Variants in SHANK2 observed in about 807,000 individuals in gnomAD.
SHANK2 encodes the protein SH3 and multiple ankyrin repeat domains 2.
In SHANK2, 43 loss-of-function variants were observed where a neutral mutation model predicts 133.7. That is an observed-to-expected ratio of 0.32 (90% CI 0.25 to 0.41). The LOEUF (loss-of-function observed/expected upper bound fraction) is 0.41, where lower values mean the gene tolerates loss of function less well. Among genes scored for constraint, SHANK2 ranks in the 10% least tolerant of loss-of-function variants. The pLI is 1.00. For synonymous variants in SHANK2, 1,017 were observed against 952.8 expected (o/e 1.07, Z -1.24); for missense variants, 1,994 against 2,235.8 (o/e 0.89, Z 2.18).
rs150961099 is a variant in SHANK2, at chr11:71,204,410, G to A, written c.-13+20287C>T. 5.8e-3 allele frequency among the ~76,000 whole-genome samples: 878 copies of A among 152,210 alleles called. 8 individuals carry two copies. Among genetic ancestry groups the A allele is most frequent in the East Asian group, 0.028 (146 of 5,146 alleles). On this transcript the variant is annotated intron_variant, in intron 2 of 25. Coordinates refer to ENST00000601538, the MANE Select transcript of SHANK2 (RefSeq NM_012309.5). ...AGGACCCAGCGCACCTCCCATCTGCGCTGCCTCTGTAAAGTGAGCCTGTGC... is the reference window on the plus strand; with the variant it reads ...AGGACCCAGCGCACCTCCCATCTGCACTGCCTCTGTAAAGTGAGCCTGTGC...
chr11:70,910,897 TGC>T (rs202059428), intron 10 of SHANK2: 443 of 422,268 alleles, frequency 1.0e-3, no homozygotes, highest in Middle Eastern at 5.4e-3. Flanking sequence ...TGCTTGGTGG[TGC>T]GTGTGTGTGT....
At chr11:70,620,995 ATC>A (rs1270706278) in intron 17 of SHANK2, among the ~76,000 whole-genome samples, 5 of 152,254 alleles carry the variant, frequency 3.3e-5, no homozygotes, top group African/African-American at 1.2e-4. Context: ...ATGACGTAAT[ATC>A]TGTGTGACCA....
At position 70,804,912 on chromosome 11, in the gene SHANK2, G is replaced by T. The variant is rs529072407; in HGVS notation, c.1663+2090C>A. Among the ~76,000 whole-genome samples the T allele has an allele frequency of 7.9e-5, 12 of 152,278 alleles. No individual in the cohort carries two copies. Among genetic ancestry groups the T allele is most frequent in the African/African-American group, 2.9e-4 (12 of 41,564 alleles). Reference sequence around the variant, plus strand: ...CTGCTCATCCATGCTGCTACTCAGGGTCCCCTCTAAGGGACTCTCAGCTGT... The same window carrying T: ...CTGCTCATCCATGCTGCTACTCAGGTTCCCCTCTAAGGGACTCTCAGCTGT... On this transcript the variant is annotated intron_variant, in intron 13 of 25. Transcript: ENST00000601538. The surrounding 1 kb of genome is among the most constrained non-coding windows in gnomAD (Gnocchi z 4.1).
intron 25 of SHANK2, among the ~76,000 whole-genome samples, chr11:70,476,221 T>G (rs1319385889): frequency 3.3e-5 from 5 of 151,998 alleles, no homozygotes; most frequent in Non-Finnish European, 7.4e-5. Context: ...GAGCTAGACT[T>G]CTTCTCAAAA....
chr11:70,785,017 A>G (rs1415623460), intron 14 of SHANK2, among the ~76,000 whole-genome samples: 8 of 152,216 alleles, frequency 5.3e-5, no homozygotes, highest in African/African-American at 1.9e-4. Flanking sequence ...GCTTCCCAGG[A>G]GGGCCATCTG....
chr11:70,539,229 C>A (rs374789312), intron 17 of SHANK2, among the ~76,000 whole-genome samples: 8 of 152,228 alleles, frequency 5.3e-5, no homozygotes, highest in African/African-American at 1.9e-4. Flanking sequence ...CACCGAATGC[C>A]AGTGCCACAG....
chr11:70,591,738 C>T (rs917363274), intron 17 of SHANK2, among the ~76,000 whole-genome samples: 3 of 152,038 alleles, frequency 2.0e-5, no homozygotes, highest in Non-Finnish European at 4.4e-5. Context: ...AGATGTGGGC[C>T]GGGCGCGGTG....
chr11:71,228,563 G>C (rs1954683297), intron 1 of SHANK2, among the ~76,000 whole-genome samples: 3 of 152,146 alleles, frequency 2.0e-5, no homozygotes, highest in African/African-American at 2.4e-5. Context: ...TTCAAGGCCA[G>C]CCTGGCCAAC....
rs1415507074 is a variant in SHANK2, at chr11:70,852,305, G to A, written c.1175-31623C>T. Among the ~76,000 whole-genome samples the A allele has an allele frequency of 2.6e-5, 4 of 152,354 alleles. No homozygotes were observed. In the East Asian group the frequency reaches 7.7e-4, roughly 29 times the overall value. ...AAAGAATATTGGGAGAGCGAGGAACGTAAACCCCAGTCAACTTCAAGGCCA... is the reference window on the plus strand; with the variant it reads ...AAAGAATATTGGGAGAGCGAGGAACATAAACCCCAGTCAACTTCAAGGCCA... On this transcript the variant is annotated intron_variant, in intron 11 of 25. Coordinates refer to ENST00000601538, the MANE Select transcript of SHANK2 (RefSeq NM_012309.5).
intron 8 of SHANK2, among the ~76,000 whole-genome samples, chr11:71,091,816 T>C (rs1951523894): frequency 6.6e-6 from 1 of 152,174 alleles, no homozygotes. Flanking sequence ...TCACAGGTGC[T>C]GATGGCTCCC....
intron 11 of SHANK2, among the ~76,000 whole-genome samples, chr11:70,883,564 A>C (rs1030999406): frequency 5.3e-5 from 8 of 152,052 alleles, no homozygotes; most frequent in African/African-American, 1.9e-4. Flanking sequence ...CAAGAGAACA[A>C]AGGGGGCTGG....
Position 70,807,765 on chromosome 11 carries a change from G to C in SHANK2, c.1494-594C>G, listed in dbSNP as rs969450311. 6.6e-6 allele frequency among the ~76,000 whole-genome samples: 1 copy of C among 152,156 alleles called. No individual in the cohort carries two copies. The highest frequency in any genetic ancestry group is 2.4e-5 in the African/African-American group (1 of 41,426). On this transcript the variant is annotated intron_variant, in intron 12 of 25. Coordinates refer to ENST00000601538, the MANE Select transcript of SHANK2 (RefSeq NM_012309.5). This position sits in a 1 kb window ranked among gnomAD's most constrained non-coding sequence, Gnocchi z 4.8. Reference sequence around the variant, plus strand: ...GAATTGCTTAAACCTGGGAGGCGGAGGTTGCGGTGAGCCAAGACTGCACCA... The same window carrying C: ...GAATTGCTTAAACCTGGGAGGCGGACGTTGCGGTGAGCCAAGACTGCACCA...
chr11:71,132,209 A>T (rs1326508946), intron 3 of SHANK2, among the ~76,000 whole-genome samples: 1 of 152,192 alleles, frequency 6.6e-6, no homozygotes, highest in Non-Finnish European at 1.5e-5. Context: ...GCAGAGTCGG[A>T]GCCAGGCTGG....
chr11:70,816,126 C>G lies in SHANK2; in HGVS notation c.1493+4238G>C, dbSNP rs140589816. Among the ~76,000 whole-genome samples, 152 of 152,326 alleles carry G rather than the reference C, an allele frequency of 1.0e-3. 1 individual carries two copies. The highest frequency in any genetic ancestry group is 3.5e-3 in the African/African-American group (146 of 41,582). ...TGAAGACGACCCTAAGAGTGGCCGA[C>G]GTTTCTGCAGAACCGAAGACTGTCT... On this transcript the variant is annotated intron_variant, in intron 12 of 25. Coordinates refer to ENST00000601538, the MANE Select transcript of SHANK2 (RefSeq NM_012309.5).
intron 11 of SHANK2, among the ~76,000 whole-genome samples, chr11:70,856,827 C>T (rs782703622): frequency 5.3e-5 from 8 of 152,280 alleles, no homozygotes; most frequent in Non-Finnish European, 1.0e-4. Flanking sequence ...AAACATCTGC[C>T]AATCTGTGCC....
rs571430768 is a variant in SHANK2, at chr11:70,944,793, C to G, written c.1108-48226G>C. Among the ~76,000 whole-genome samples, 5 of 152,176 alleles carry G rather than the reference C, an allele frequency of 3.3e-5. No individual in the cohort carries two copies. In the East Asian group the frequency reaches 9.6e-4, roughly 29 times the overall value. On this transcript the variant is annotated intron_variant, in intron 10 of 25. Coordinates refer to ENST00000601538, the MANE Select transcript of SHANK2 (RefSeq NM_012309.5). ...CTCCCTCATTATTCAGATGCTGAAC[C>G]TACAAGATGACTCCTCCAATTCTAC...
chr11:70,661,712 T>C, intron 15 of SHANK2, 34 bp from the exon 16 acceptor site: 1 of 1,614,136 alleles, frequency 6.2e-7, no homozygotes, highest in Non-Finnish European at 8.5e-7. Flanking sequence ...GCGACCATTA[T>C]TGTAGCCCGT....
chr11:70,499,668 C>T lies in SHANK2; in HGVS notation c.2308+902G>A, dbSNP rs549577568. On this transcript the variant is annotated intron_variant, in intron 21 of 25. Coordinates refer to ENST00000601538, the MANE Select transcript of SHANK2 (RefSeq NM_012309.5). ...ATAGAAAGAAGGGTATTCTGTACCC[C>T]GGGTGTCCACCACATCCTCGGCGCA... is the stretch of plus-strand genomic sequence containing the variant. Among the ~76,000 whole-genome samples, 26 of 152,318 alleles carry T rather than the reference C, an allele frequency of 1.7e-4. No individual in the cohort carries two copies. The South Asian group carries it at 3.1e-3, about 18-fold the overall frequency.
At chr11:71,065,969 A>G (rs1430070455) in intron 9 of SHANK2, among the ~76,000 whole-genome samples, 3 of 84,038 alleles carry the variant, frequency 3.6e-5, no homozygotes, top group African/African-American at 5.2e-5. Context: ...GGAGATGAGC[A>G]GTGAGTGGGG....
Sources: allele counts gnomAD v4.1 joint callset (sites outside exome capture counted in the v4.1 genomes callset), GRCh38; gene constraint gnomAD v4.1.1; non-coding constraint Gnocchi (gnomAD v3.1); transcripts MANE v1.5; gene names NCBI Gene and HGNC (gene_info 2026-07-23, HGNC 2026-07-21).